Variants in ACAN observed in about 807,000 individuals in gnomAD.
ACAN encodes the protein aggrecan core protein.
A neutral mutation model predicts 169.1 loss-of-function variants in ACAN; 47 were observed. The observed-to-expected ratio is 0.28, with a 90% CI of 0.22 to 0.35. ACAN has a LOEUF of 0.35. Ranked by LOEUF, ACAN falls within the 10% of genes least tolerant of loss-of-function variation. The pLI, the probability that ACAN is intolerant of heterozygous loss-of-function variation, is 1.00. For synonymous variants in ACAN, 1,115 were observed against 1,112.2 expected (o/e 1.00, Z -0.05); for missense variants, 2,716 against 2,759.9 (o/e 0.98, Z 0.36).
At chr15:88,809,724 A>G (rs1385872698) in intron 1 of ACAN, among the ~76,000 whole-genome samples, 1 of 152,164 alleles carries the variant, frequency 6.6e-6, no homozygotes, top group Non-Finnish European at 1.5e-5. Flanking sequence ...TCCAGAGAGC[A>G]CTGCAGATAC....
intron 5 of ACAN, among the ~76,000 whole-genome samples, chr15:88,842,071 C>T (rs1403902575): frequency 1.3e-5 from 2 of 152,156 alleles, no homozygotes; most frequent in African/African-American, 4.8e-5. Flanking sequence ...GTCTCAGTGG[C>T]CCCAACATCT....
At chr15:88,832,303 TA>T (rs149428400) in intron 1 of ACAN, among the ~76,000 whole-genome samples, 5,363 of 137,286 alleles carry the variant, frequency 0.039, 178 homozygotes, top group African/African-American at 0.095. Flanking sequence ...GTAGATACCT[TA>T]AAAAAAAAAA....
In ACAN at chr15:88,857,041, G is replaced by T. The variant is rs561163011; in HGVS notation, c.4456G>T (p.Asp1486Tyr). 6.2e-7 allele frequency: 1 copy of T among 1,613,408 alleles called. No individual in the cohort carries two copies. Among genetic ancestry groups the T allele is most frequent in the African/African-American group, 1.3e-5 (1 of 74,964 alleles). The change falls in exon 12 of 19, where the codon GAC becomes TAC. Residue 1486 changes from aspartate (D) to tyrosine (Y), a missense_variant. By Grantham distance (160) the Asp-to-Tyr change is radical. Transcript: ENST00000560601. Reference sequence around the variant, plus strand: ...AGAGATTTCTGTCTCTGGAGTAGAGGACATCAGTGGGCTTCCTTCTGGAGA... The same window carrying T: ...AGAGATTTCTGTCTCTGGAGTAGAGTACATCAGTGGGCTTCCTTCTGGAGA... ...VLEISVSGVE[D>Y]ISGLPSGEVV...
intron 13 of ACAN, among the ~76,000 whole-genome samples, chr15:88,863,058 G>C (rs1897228533): frequency 6.6e-6 from 1 of 151,346 alleles, no homozygotes. Flanking sequence ...GGGCCATAGG[G>C]AGCAAAATGC....
chr15:88,854,878 G>T lies in ACAN; in HGVS notation c.2293G>T (p.Gly765Cys). 2 of 1,508,418 alleles carry T rather than the reference G, an allele frequency of 1.3e-6. No individual in the cohort carries two copies. Among genetic ancestry groups the T allele is most frequent in the Non-Finnish European group, 1.8e-6 (2 of 1,134,124 alleles). The allele number at this position is 1,508,418 out of a possible 1,614,324, so 93.4% of individuals were successfully genotyped here. Residue 765 changes from glycine (G) to cysteine (C), a missense_variant, in exon 12 of 19, where the codon GGC (glycine) becomes TGC (cysteine). Around this residue, in one of 3 missense-constraint regions of ACAN, gnomAD observed 1,283 missense variants for 1,281.5 expected, o/e 1.00. Coordinates refer to ENST00000560601, the MANE Select transcript of ACAN (RefSeq NM_001369268.1). ...GATCCTTCCTACTTGGCCTCCCACT[G>T]GCGCAGCAACAGAGGAAAGTACAGA... is the stretch of plus-strand genomic sequence containing the variant. ...PGILPTWPPT[G>C]AATEESTEGP... is the part of the protein sequence containing the mutation.
In ACAN at chr15:88,873,886, G is replaced by T. The variant is rs200180285; in HGVS notation, c.7492G>T (p.Gly2498Trp). Residue 2498 changes from glycine (G) to tryptophan (W), a missense_variant, in exon 18 of 19, where the codon GGG becomes TGG. This residue lies in a region of ACAN where 1,389 missense variants were observed against 1,363.7 expected (regional missense o/e 1.02). Transcript: ENST00000560601. The surrounding 1 kb of genome is among the most constrained non-coding windows in gnomAD (Gnocchi z 7.5). Reference sequence around the variant, plus strand: ...TGTGGTGGAGCATGCCAGGACCTTCGGGCAGAAGAAGGACCGGTATGAGAT... The same window carrying T: ...TGTGGTGGAGCATGCCAGGACCTTCTGGCAGAAGAAGGACCGGTATGAGAT... ...PPVVEHARTF[G>W]QKKDRYEINS... 2 of 1,613,638 alleles carry T rather than the reference G, an allele frequency of 1.2e-6. No individual in the cohort carries two copies. The highest frequency in any genetic ancestry group is 2.2e-5 in the South Asian group (2 of 91,074).
Position 88,845,505 on chromosome 15 carries a change from G to T in ACAN, c.1052G>T (p.Gly351Val). ...AAGCTTGTCTTTGCCCCTCCCCTAG[G>T]TGAAGACTTTGTGGACATCCCAGAA... is the stretch of plus-strand genomic sequence containing the variant. ...SSRYDAICYTGEDFVDIPENF... is the reference protein window; with the variant it reads ...SSRYDAICYTVEDFVDIPENF... Residue 351 changes from glycine (G) to valine (V), a missense_variant and splice_region_variant, in exon 7 of 19, where the codon GGT (glycine) becomes GTT (valine). Transcript: ENST00000560601. The T allele has an allele frequency of 1.9e-6, 3 of 1,601,138 alleles. No individual in the cohort carries two copies. Among genetic ancestry groups the T allele is most frequent in the Non-Finnish European group, 2.6e-6 (3 of 1,171,266 alleles).
Position 88,858,918 on chromosome 15 carries a change from C to A in ACAN, c.6333C>A (p.Phe2111Leu), listed in dbSNP as rs1334810359. Residue 2111 changes from phenylalanine (F) to leucine (L), a missense_variant, in exon 12 of 19, where the codon TTC becomes TTA. By Grantham distance (22) the Phe-to-Leu change is conservative. Around this residue, in one of 3 missense-constraint regions of ACAN, gnomAD observed 1,389 missense variants for 1,363.7 expected, o/e 1.02. Transcript: ENST00000560601. This position sits in a 1 kb window ranked among gnomAD's most constrained non-coding sequence, Gnocchi z 4.0. Reference protein sequence around the residue: ...SETSAYPEAGFGASAAPEASR... With the variant: ...SETSAYPEAGLGASAAPEASR... ...CGTCCGCCTATCCTGAAGCTGGGTTCGGGGCATCTGCCGCCCCTGAGGCCA... is the reference window on the plus strand; with the variant it reads ...CGTCCGCCTATCCTGAAGCTGGGTTAGGGGCATCTGCCGCCCCTGAGGCCA... 1 of 1,609,042 alleles carries A rather than the reference C, an allele frequency of 6.2e-7. No individual in the cohort carries two copies. Among genetic ancestry groups the A allele is most frequent in the South Asian group, 1.1e-5 (1 of 90,840 alleles).
In ACAN at chr15:88,839,701, G is replaced by A. The variant is rs1388741439; in HGVS notation, c.455-311G>A. ...GTCTGTTTCTCTTAATGCAATATGG[G>A]GGTCTTGGAGTGATAAGAAAAAATT... On this transcript the variant is annotated intron_variant, in intron 3 of 18. Transcript: ENST00000560601. The surrounding 1 kb of genome is among the most constrained non-coding windows in gnomAD (Gnocchi z 4.5). Among the ~76,000 whole-genome samples the A allele has an allele frequency of 6.6e-6, 1 of 152,148 alleles. No individual in the cohort carries two copies. Among genetic ancestry groups the A allele is most frequent in the Non-Finnish European group, 1.5e-5 (1 of 68,026 alleles).
intron 1 of ACAN, 47 bp from the exon 2 acceptor site, chr15:88,836,153 A>T (rs1030450511): frequency 1.4e-6 from 2 of 1,405,494 alleles, no homozygotes; most frequent in Non-Finnish European, 1.0e-6. Context: ...GCTTGACCTC[A>T]CCATGCCTTC....
chr15:88,829,344 G>T (rs1239373044), intron 1 of ACAN, among the ~76,000 whole-genome samples: 1 of 152,176 alleles, frequency 6.6e-6, no homozygotes, highest in Non-Finnish European at 1.5e-5. Flanking sequence ...GGCCTTACAT[G>T]AGTTTCCTGG....
rs867599246 is a variant in ACAN, at chr15:88,845,538, T to C, written c.1085T>C (p.Phe362Ser). Residue 362 changes from phenylalanine (F) to serine (S), a missense_variant, in exon 7 of 19, where the codon TTT (phenylalanine) becomes TCT (serine). By Grantham distance (155) the Phe-to-Ser change is radical. This residue lies in a region of ACAN where 1,283 missense variants were observed against 1,281.5 expected (regional missense o/e 1.00). Transcript: ENST00000560601. ...TTTGTGGACATCCCAGAAAACTTCT[T>C]TGGAGTGGGGGGTGAGGAGGACATC... ...EDFVDIPENF[F>S]GVGGEEDITV... is the part of the protein sequence containing the mutation. 6.2e-7 allele frequency: 1 copy of C among 1,612,376 alleles called. No homozygotes were observed. The highest frequency in any genetic ancestry group is 8.5e-7 in the Non-Finnish European group (1 of 1,178,752).
intron 2 of ACAN, among the ~76,000 whole-genome samples, chr15:88,837,632 C>A (rs982807766): frequency 6.6e-6 from 1 of 152,106 alleles, no homozygotes; most frequent in Non-Finnish European, 1.5e-5. Context: ...CCCCTGAGAA[C>A]CACTACTGCT....
At chr15:88,860,571 T>C (rs1897175517) in intron 13 of ACAN, 132 bp downstream of exon 13, 2 of 671,760 alleles carry the variant, frequency 3.0e-6, no homozygotes, top group Admixed American at 4.6e-5. Flanking sequence ...AGCTGCATGA[T>C]GACATGTCAG....
Position 88,868,283 on chromosome 15 carries a change from C to T in ACAN, c.7014C>T (p.Phe2338=). The T allele has an allele frequency of 1.4e-6, 1 of 702,842 alleles. No homozygotes were observed. The highest frequency in any genetic ancestry group is 1.5e-5 in the South Asian group (1 of 67,590). 43.5% of individuals were successfully genotyped at this position (702,842 alleles called of 1,614,324 possible). Reference sequence around the variant, plus strand: ...CCTGCGTGGATGCCATCGACTCTTTCACATGCTTATGCCTTCCCAGCTACG... The same window carrying T: ...CCTGCGTGGATGCCATCGACTCTTTTACATGCTTATGCCTTCCCAGCTACG... ...GATCVDAIDS[F]TCLCLPSYEG... The change falls in exon 14 of 19, where the codon TTC becomes TTT. Residue 2338 remains phenylalanine, a synonymous_variant. Coordinates refer to ENST00000560601, the MANE Select transcript of ACAN (RefSeq NM_001369268.1). This position sits in a 1 kb window ranked among gnomAD's most constrained non-coding sequence, Gnocchi z 5.2.
chr15:88,844,734 A>G (rs898426499), intron 6 of ACAN, among the ~76,000 whole-genome samples: 1 of 152,184 alleles, frequency 6.6e-6, no homozygotes. Flanking sequence ...GAAAAATTAG[A>G]CCAAAATGTT....
chr15:88,860,478 C>A, intron 13 of ACAN, 39 bp downstream of exon 13: 2 of 1,564,010 alleles, frequency 1.3e-6, no homozygotes, highest in Non-Finnish European at 1.8e-6. Context: ...AGGGCGGAGG[C>A]GCTGGACAGA....
At position 88,850,165 on chromosome 15, in the gene ACAN, A is replaced by G. The variant is rs1009813593; in HGVS notation, c.2026+434A>G. The G allele has an allele frequency of 1.5e-5, 6 of 400,610 alleles. No homozygotes were observed. In the East Asian group the frequency reaches 2.5e-4, roughly 17 times the overall value. The allele number at this position is 400,610 out of a possible 1,614,324, so 24.8% of individuals were successfully genotyped here. A position where few individuals can be genotyped will look rare whatever the true frequency, so the allele number is the denominator to read the frequency against. On this transcript the variant is annotated intron_variant, in intron 10 of 18. Transcript: ENST00000560601. ...TTAGCTTTATTTCATATACATATCTATATGTAAAGCTGTAATATATAGCTT... is the reference window on the plus strand; with the variant it reads ...TTAGCTTTATTTCATATACATATCTGTATGTAAAGCTGTAATATATAGCTT...
chr15:88,857,624 G>A lies in ACAN; in HGVS notation c.5039G>A (p.Gly1680Glu), dbSNP rs1320141954. 1.9e-6 allele frequency: 3 copies of A among 1,613,876 alleles called. No homozygotes were observed. The highest frequency in any genetic ancestry group is 2.5e-6 in the Non-Finnish European group (3 of 1,179,906). ...VTASTASELE[G>E]RGTIGISGAG... is the part of the protein sequence containing the mutation. Reference sequence around the variant, plus strand: ...GCCTCCACTGCAAGTGAACTGGAAGGGAGGGGAACCATTGGCATCAGTGGT... The same window carrying A: ...GCCTCCACTGCAAGTGAACTGGAAGAGAGGGGAACCATTGGCATCAGTGGT... Residue 1680 changes from glycine (G) to glutamate (E), a missense_variant, in exon 12 of 19, where the codon GGG becomes GAG. Transcript: ENST00000560601.
Sources: gnomAD v4.1 joint callset for allele counts (sites outside exome capture counted in the v4.1 genomes callset) on GRCh38, gnomAD v4.1.1 for gene constraint, gnomAD v4.1.1 regional missense constraint, Gnocchi (gnomAD v3.1) non-coding constraint, MANE v1.5 for transcripts, NCBI Gene and HGNC (gene_info 2026-07-23, HGNC 2026-07-21) for gene names.